The following PRMT8 variants were observed in gnomAD, a reference collection of about 807,000 sequenced individuals.
PRMT8 encodes the protein protein arginine N-methyltransferase 8.
A neutral mutation model predicts 47.1 loss-of-function variants in PRMT8; 7 were observed. The observed-to-expected ratio is 0.15, with a 90% CI of 0.08 to 0.28. The LOEUF (loss-of-function observed/expected upper bound fraction) is 0.28, where lower values mean the gene tolerates loss of function less well. Among genes scored for constraint, PRMT8 ranks in the 10% least tolerant of loss-of-function variants. PRMT8 has a pLI of 1.00. For missense variants in PRMT8, 237 were observed against 505.4 expected, an observed-to-expected ratio of 0.47 and a Z score of 5.09; for synonymous variants, 188 against 186.5, an observed-to-expected ratio of 1.01 and a Z score of -0.07.
Position 3,423,133 on chromosome 12 carries a change from C to T in PRMT8, c.48+41691C>T, listed in dbSNP as rs367793189. 7.2e-5 allele frequency among the ~76,000 whole-genome samples: 11 copies of T among 152,348 alleles called. No individual in the cohort carries two copies. The East Asian group carries it at 1.2e-3, about 16-fold the overall frequency. On this transcript the variant is annotated intron_variant, in intron 1 of 9. Coordinates refer to the PRMT8 transcript ENST00000452611. ...TGGCCCCAGGATCAAATCCATGCCA[C>T]ACTTGCACAGGCACATGTGCCAATT...
At chr12:3,459,586 T>C (rs1377113308) in intron 1 of PRMT8, among the ~76,000 whole-genome samples, 1 of 152,172 alleles carries the variant, frequency 6.6e-6, no homozygotes, top group Non-Finnish European at 1.5e-5. Context: ...TATGCCAAAA[T>C]TTTTGACAAA....
At chr12:3,397,423 T>G (rs1343332605) in intron 1 of PRMT8, among the ~76,000 whole-genome samples, 1 of 151,244 alleles carries the variant, frequency 6.6e-6, no homozygotes, top group African/African-American at 2.4e-5. Flanking sequence ...TAGTTTTCCT[T>G]TTAACAGACA....
intron 1 of PRMT8, among the ~76,000 whole-genome samples, chr12:3,509,484 G>T (rs1459183870): frequency 2.6e-5 from 4 of 152,158 alleles, no homozygotes; most frequent in Non-Finnish European, 5.9e-5. Context: ...TCATCTAGAA[G>T]TCAACCATCA....
chr12:3,567,065 CATA>C (rs1218715773), intron 4 of PRMT8, among the ~76,000 whole-genome samples: 1 of 152,194 alleles, frequency 6.6e-6, no homozygotes, highest in African/African-American at 2.4e-5. Flanking sequence ...GAAGGTGACT[CATA>C]AGAAGAAGCC....
intron 1 of PRMT8, among the ~76,000 whole-genome samples, chr12:3,517,657 A>G (rs1865816124): frequency 6.6e-6 from 1 of 152,150 alleles, no homozygotes. Flanking sequence ...GGCTGAGTAC[A>G]CAGGGAAAAG....
intron 7 of PRMT8, 133 bp downstream of exon 7, chr12:3,577,119 G>A (rs1565447369): frequency 5.7e-6 from 4 of 699,604 alleles, no homozygotes; most frequent in South Asian, 1.8e-5. Flanking sequence ...AGCCTGTGAT[G>A]CTCCCTAAGC....
At chr12:3,510,241 C>T (rs1865691594) in intron 1 of PRMT8, among the ~76,000 whole-genome samples, 1 of 151,956 alleles carries the variant, frequency 6.6e-6, no homozygotes, top group South Asian at 2.1e-4. Flanking sequence ...TGGACATGAC[C>T]CCTGCTCCCA....
At chr12:3,490,530 C>T (rs1418867140), upstream of PRMT8, among the ~76,000 whole-genome samples, 1 of 135,348 alleles carries the variant, frequency 7.4e-6, no homozygotes, top group Non-Finnish European at 1.6e-5. Context: ...CAGGGGGCTG[C>T]CAGGGAAGAC....
chr12:3,530,549 G>A (rs144392180), intron 1 of PRMT8, among the ~76,000 whole-genome samples: 123 of 152,194 alleles, frequency 8.1e-4, no homozygotes, highest in African/African-American at 2.6e-3. Context: ...AAGCATCAGC[G>A]GCTGGAGAAA....
Position 3,538,705 on chromosome 12 carries a change from G to C in PRMT8, c.76-1901G>C. 3.9e-6 allele frequency: 2 copies of C among 519,020 alleles called. No individual in the cohort carries two copies. Among genetic ancestry groups the C allele is most frequent in the South Asian group, 2.8e-5 (2 of 71,586 alleles). 32.2% of individuals were successfully genotyped at this position (519,020 alleles called of 1,614,324 possible). ...ATGCACGGAGCCTTCTTCAGCTTTA[G>C]AGGTGATTCTGCAGCCTGCACAGGA... On this transcript the variant is annotated intron_variant, in intron 1 of 9. Transcript: ENST00000382622. The surrounding 1 kb of genome is among the most constrained non-coding windows in gnomAD (Gnocchi z 4.6).
rs1037866956 is a variant in PRMT8, at chr12:3,514,016, T to C, written c.75+22316T>C. Among the ~76,000 whole-genome samples, 1 of 152,144 alleles carries C rather than the reference T, an allele frequency of 6.6e-6. No individual in the cohort carries two copies. The highest frequency in any genetic ancestry group is 2.4e-5 in the African/African-American group (1 of 41,428). Reference sequence around the variant, plus strand: ...TCTTGAGCCCCCGGATACTGAAGGATCAGGCAGATCCGGGCAGAGGCAGGG... The same window carrying C: ...TCTTGAGCCCCCGGATACTGAAGGACCAGGCAGATCCGGGCAGAGGCAGGG... On this transcript the variant is annotated intron_variant, in intron 1 of 9. Coordinates refer to ENST00000382622, the MANE Select transcript of PRMT8 (RefSeq NM_019854.5). This position sits in a 1 kb window ranked among gnomAD's most constrained non-coding sequence, Gnocchi z 5.9.
At chr12:3,571,404 C>T (rs150592518) in intron 6 of PRMT8, among the ~76,000 whole-genome samples, 2 of 152,188 alleles carry the variant, frequency 1.3e-5, no homozygotes, top group African/African-American at 4.8e-5. Context: ...TTGTCAAGTT[C>T]ACTTAGATAT....
At chr12:3,517,420 G>T (rs1865811705) in intron 1 of PRMT8, among the ~76,000 whole-genome samples, 1 of 152,156 alleles carries the variant, frequency 6.6e-6, no homozygotes, top group African/African-American at 2.4e-5. Flanking sequence ...CCCCACAGAA[G>T]CCATAGACAA....
chr12:3,513,677 G>A (rs1320780960), intron 1 of PRMT8, among the ~76,000 whole-genome samples: 1 of 152,104 alleles, frequency 6.6e-6, no homozygotes, highest in Non-Finnish European at 1.5e-5. Flanking sequence ...ATTGTATCTG[G>A]ATCCTTTTGG....
At chr12:3,433,385 G>A (rs1864703627) in intron 1 of PRMT8, among the ~76,000 whole-genome samples, 2 of 152,182 alleles carry the variant, frequency 1.3e-5, no homozygotes, top group African/African-American at 2.4e-5. Context: ...GAGCACTTAT[G>A]TGCAAAGGAT....
chr12:3,496,214 A>ATATATATATTTTTTTTTTTTT, intron 1 of PRMT8, among the ~76,000 whole-genome samples: 1 of 27,774 alleles, frequency 3.6e-5, no homozygotes, highest in Non-Finnish European at 7.9e-5. Flanking sequence ...ATATATATAT[A>ATATATATATTTTTTTTTTTTT]TTTTTTTTTT....
intron 6 of PRMT8, among the ~76,000 whole-genome samples, chr12:3,575,679 G>C (rs1310664940): frequency 1.2e-4 from 19 of 152,204 alleles, no homozygotes; most frequent in Admixed American, 1.2e-3. Flanking sequence ...TGGTTGCTGG[G>C]TAGATTAAAT....
chr12:3,580,590 A>G lies in PRMT8; in HGVS notation c.829-2468A>G, dbSNP rs1014900811. On this transcript the variant is annotated intron_variant, in intron 7 of 9. Transcript: ENST00000382622. The surrounding 1 kb of genome is among the most constrained non-coding windows in gnomAD (Gnocchi z 4.6). ...TGCTGTGTATTAGGTGCTGCTGTGC[A>G]CTGAGGATACACAGGACAATGAGGT... is the stretch of plus-strand genomic sequence containing the variant. 6.6e-6 allele frequency among the ~76,000 whole-genome samples: 1 copy of G among 152,190 alleles called. No individual in the cohort carries two copies. The highest frequency in any genetic ancestry group is 2.4e-5 in the African/African-American group (1 of 41,454).
At chr12:3,462,167 GT>G (rs1456162322) in intron 1 of PRMT8, among the ~76,000 whole-genome samples, 3 of 151,972 alleles carry the variant, frequency 2.0e-5, no homozygotes, top group Admixed American at 6.5e-5. Context: ...TCTTGTGTTA[GT>G]TTGCTAAGGA....
Sources: gnomAD v4.1 joint callset for allele counts (sites outside exome capture counted in the v4.1 genomes callset) on GRCh38, gnomAD v4.1.1 for gene constraint, Gnocchi (gnomAD v3.1) non-coding constraint, MANE v1.5 for transcripts, NCBI Gene and HGNC (gene_info 2026-07-23, HGNC 2026-07-21) for gene names.